SLC49A4: variants seen among roughly 807,000 people sequenced by gnomAD.
The protein encoded by SLC49A4 is solute carrier family 49 member 4.
Under a neutral mutation model 50.6 loss-of-function variants are expected in SLC49A4, and 36 were observed. That is an observed-to-expected ratio of 0.71 (90% confidence interval 0.55 to 0.94). The LOEUF is 0.94. SLC49A4 is among the 40% of genes least tolerant of loss of function. The pLI, the probability that SLC49A4 is intolerant of heterozygous loss-of-function variation, is 0.00. For missense variants in SLC49A4, 503 were observed against 605.7 expected (o/e 0.83, Z 1.78); for synonymous variants, 248 against 241.2 (o/e 1.03, Z -0.26).
At chr3:122,843,437 T>C (rs984732890) in intron 4 of SLC49A4, among the ~76,000 whole-genome samples, 1 of 152,232 alleles carries the variant, frequency 6.6e-6, no homozygotes, top group Non-Finnish European at 1.5e-5. Flanking sequence ...GCAATATATG[T>C]CAAAAATAGA....
intron 6 of SLC49A4, 93 bp downstream of exon 6, chr3:122,856,467 G>A: frequency 8.3e-7 from 1 of 1,204,300 alleles, no homozygotes; most frequent in Non-Finnish European, 1.2e-6. Context: ...TACAATTCAG[G>A]GAAAAGTAAA....
At chr3:122,825,097 CCTT>C (rs1936508623) in intron 2 of SLC49A4, among the ~76,000 whole-genome samples, 1 of 152,140 alleles carries the variant, frequency 6.6e-6, no homozygotes, top group South Asian at 2.1e-4. Flanking sequence ...TCCATGTTCT[CCTT>C]CTACCCTTAA....
intron 7 of SLC49A4, among the ~76,000 whole-genome samples, chr3:122,867,109 C>G (rs762148627): frequency 6.6e-6 from 1 of 152,120 alleles, no homozygotes; most frequent in Non-Finnish European, 1.5e-5. Flanking sequence ...TAAGTTTTCC[C>G]TCTTATATAC....
intron 2 of SLC49A4, among the ~76,000 whole-genome samples, chr3:122,813,599 A>G (rs894565904): frequency 6.6e-6 from 1 of 152,180 alleles, no homozygotes; most frequent in African/African-American, 2.4e-5. Context: ...TATTAAGAAT[A>G]TATTCAAAAC....
At chr3:122,877,634 C>CT (rs1185353921) in intron 8 of SLC49A4, among the ~76,000 whole-genome samples, 1 of 152,096 alleles carries the variant, frequency 6.6e-6, no homozygotes. Flanking sequence ...AATTACCATA[C>CT]TTTTTTTTAT....
intron 7 of SLC49A4, among the ~76,000 whole-genome samples, chr3:122,866,611 G>A (rs986478348): frequency 2.6e-5 from 4 of 152,150 alleles, no homozygotes; most frequent in African/African-American, 7.2e-5. Flanking sequence ...AACATAGCTT[G>A]CAGAGAACAA....
chr3:122,824,742 T>C (rs1489826117), intron 2 of SLC49A4, among the ~76,000 whole-genome samples: 2 of 145,490 alleles, frequency 1.4e-5, no homozygotes, highest in African/African-American at 2.5e-5. Flanking sequence ...TTTTTTTTTT[T>C]TTTTTTTTGA....
intron 5 of SLC49A4, among the ~76,000 whole-genome samples, chr3:122,853,477 G>A (rs1936949556): frequency 6.6e-6 from 1 of 152,194 alleles, no homozygotes; most frequent in Admixed American, 6.5e-5. Flanking sequence ...TACTGATTTT[G>A]ACTGGGTATG....
chr3:122,871,595 T>C (rs367715763), intron 7 of SLC49A4, among the ~76,000 whole-genome samples: 5 of 152,168 alleles, frequency 3.3e-5, no homozygotes, highest in African/African-American at 7.2e-5. Context: ...TATTAGGATA[T>C]AGGGACATGT....
chr3:122,835,512 C>T (rs1936667834), intron 4 of SLC49A4, among the ~76,000 whole-genome samples: 1 of 151,856 alleles, frequency 6.6e-6, no homozygotes, highest in Admixed American at 6.6e-5. Flanking sequence ...ACAACAAAAA[C>T]AGTATGATCA....
intron 2 of SLC49A4, among the ~76,000 whole-genome samples, chr3:122,814,866 C>A (rs9985503): frequency 6.6e-6 from 1 of 151,800 alleles, no homozygotes; most frequent in Non-Finnish European, 1.5e-5. Flanking sequence ...GACGGTTCTT[C>A]TTCTTCCAGT....
intron 7 of SLC49A4, among the ~76,000 whole-genome samples, chr3:122,866,176 G>T (rs1383481131): frequency 6.7e-6 from 1 of 150,254 alleles, no homozygotes; most frequent in African/African-American, 2.5e-5. Context: ...ACTATGGCGT[G>T]TGCCACCATG....
intron 4 of SLC49A4, among the ~76,000 whole-genome samples, chr3:122,835,874 A>T (rs1199518101): frequency 6.6e-6 from 1 of 152,064 alleles, no homozygotes; most frequent in Non-Finnish European, 1.5e-5. Flanking sequence ...CTTCCAAAAG[A>T]CTCCTAGATT....
At chr3:122,821,130 C>T (rs966694522) in intron 2 of SLC49A4, among the ~76,000 whole-genome samples, 1 of 152,232 alleles carries the variant, frequency 6.6e-6, no homozygotes, top group African/African-American at 2.4e-5. Context: ...TTTACTCCTC[C>T]TTCGCTTTCC....
intron 6 of SLC49A4, among the ~76,000 whole-genome samples, chr3:122,859,870 G>A (rs1937035760): frequency 2.0e-5 from 3 of 151,998 alleles, no homozygotes; most frequent in African/African-American, 7.3e-5. Context: ...CCTGAACAAA[G>A]ATGCCGTTTT....
rs763781562 is a variant in SLC49A4, at chr3:122,827,030, A to G, written c.668A>G (p.His223Arg). 4.3e-6 allele frequency: 7 copies of G among 1,613,802 alleles called. No individual in the cohort carries two copies. The highest frequency in any genetic ancestry group is 1.7e-5 in the Admixed American group (1 of 60,016). ...CTTGCTGCAGAGAGCAGCAGGGCGC[A>G]TATTAAAGATCGCATAGAGGCTGTG... is the stretch of plus-strand genomic sequence containing the variant. ...PLLAAESSRA[H>R]IKDRIEAVLY... The change falls in exon 3 of 9, where the codon CAT becomes CGT. Residue 223 changes from histidine (H) to arginine (R), a missense_variant. Coordinates refer to ENST00000261038, the MANE Select transcript of SLC49A4 (RefSeq NM_032839.3).
chr3:122,877,879 A>G (rs1017552324), intron 8 of SLC49A4, among the ~76,000 whole-genome samples: 2 of 152,204 alleles, frequency 1.3e-5, no homozygotes, highest in African/African-American at 4.8e-5. Context: ...TATTTAGACT[A>G]TGTCCAATCC....
chr3:122,837,632 A>G (rs1465030975), intron 4 of SLC49A4, among the ~76,000 whole-genome samples: 1 of 152,240 alleles, frequency 6.6e-6, no homozygotes, highest in East Asian at 1.9e-4. Flanking sequence ...GGGCAATACC[A>G]TTCAGGACAT....
At chr3:122,833,501 C>T (rs1421658922) in intron 4 of SLC49A4, 55 bp downstream of exon 4, 2 of 1,480,310 alleles carry the variant, frequency 1.4e-6, no homozygotes, top group African/African-American at 2.8e-5. Context: ...AAGGTAACTT[C>T]AGATTTTTAA....
Sources: gnomAD v4.1 joint callset for allele counts (sites outside exome capture counted in the v4.1 genomes callset) on GRCh38, gnomAD v4.1.1 for gene constraint, MANE v1.5 for transcripts, NCBI Gene and HGNC (gene_info 2026-07-23, HGNC 2026-07-21) for gene names.